Variants in DCTN4 observed in about 807,000 individuals in gnomAD.
DCTN4 encodes the protein dynactin 4 (p62).
DCTN4 carries 23 observed loss-of-function variants against 62.7 expected under a neutral mutation model. The ratio of observed to expected loss-of-function variants is 0.37; its 90% confidence interval spans 0.26 to 0.52. DCTN4 has a LOEUF of 0.52. Ranked by LOEUF, DCTN4 falls within the 20% of genes least tolerant of loss-of-function variation. The pLI, the probability that DCTN4 is intolerant of heterozygous loss-of-function variation, is 0.92. For missense variants in DCTN4, 514 were observed against 580.4 expected (o/e 0.89, Z 1.18); for synonymous variants, 199 against 202.1 (o/e 0.98, Z 0.13).
chr5:150,753,358 A>C (rs1355029784), intron 3 of DCTN4, 121 bp downstream of exon 3: 28 of 790,852 alleles, frequency 3.5e-5, no homozygotes, highest in Non-Finnish European at 5.6e-5. Flanking sequence ...CAGAAGAGTT[A>C]ATGACAAAAT....
At chr5:150,726,703 T>G (rs1305820178) in intron 8 of DCTN4, among the ~76,000 whole-genome samples, 1 of 152,174 alleles carries the variant, frequency 6.6e-6, no homozygotes, top group Non-Finnish European at 1.5e-5. Flanking sequence ...GCAAAGGTAT[T>G]ACCTTCCTTG....
intron 3 of DCTN4, among the ~76,000 whole-genome samples, chr5:150,751,361 T>C (rs1293394521): frequency 6.6e-6 from 1 of 152,152 alleles, no homozygotes; most frequent in Non-Finnish European, 1.5e-5. Flanking sequence ...CATAAGTTTA[T>C]AGTTCTGAAA....
chr5:150,757,966 T>A (rs563394644), intron 1 of DCTN4: 6 of 707,956 alleles, frequency 8.5e-6, no homozygotes, highest in Middle Eastern at 7.1e-4. Flanking sequence ...AAAAATTTTT[T>A]AAAAAAAGTA....
At chr5:150,722,216 A>G (rs778334797) in intron 9 of DCTN4, among the ~76,000 whole-genome samples, 1 of 152,224 alleles carries the variant, frequency 6.6e-6, no homozygotes, top group Non-Finnish European at 1.5e-5. Flanking sequence ...CTGTCTTGCT[A>G]AAGAAGGGCT....
chr5:150,742,510 A>C (rs1760805138), intron 3 of DCTN4, among the ~76,000 whole-genome samples: 1 of 152,210 alleles, frequency 6.6e-6, no homozygotes, highest in Non-Finnish European at 1.5e-5. Flanking sequence ...CACGGAGAGT[A>C]AGTGGTAAAG....
At chr5:150,743,396 G>A (rs1431074289) in intron 3 of DCTN4, among the ~76,000 whole-genome samples, 1 of 152,242 alleles carries the variant, frequency 6.6e-6, no homozygotes, top group African/African-American at 2.4e-5. Flanking sequence ...AAAGACAGCA[G>A]TAACCTCTGC....
intron 2 of DCTN4, 87 bp downstream of exon 2, chr5:150,756,330 T>G (rs1458098548): frequency 2.1e-6 from 2 of 933,594 alleles, no homozygotes; most frequent in Non-Finnish European, 1.6e-6. Flanking sequence ...TGAGCCACCA[T>G]GCCTGGCCCA....
intron 1 of DCTN4, chr5:150,758,109 T>C: frequency 1.0e-6 from 1 of 985,600 alleles, no homozygotes; most frequent in South Asian, 4.7e-5. Flanking sequence ...TTTTATGTCT[T>C]ACTCGCCTTT....
At chr5:150,723,926 A>C (rs1189119592) in intron 8 of DCTN4, among the ~76,000 whole-genome samples, 1 of 152,196 alleles carries the variant, frequency 6.6e-6, no homozygotes, top group African/African-American at 2.4e-5. Context: ...CCACTGTAAC[A>C]ATTTCTATAA....
At chr5:150,714,266 G>A (rs1294072096) in intron 12 of DCTN4, among the ~76,000 whole-genome samples, 3 of 152,178 alleles carry the variant, frequency 2.0e-5, no homozygotes, top group African/African-American at 7.2e-5. Flanking sequence ...GTCAGGTTCT[G>A]TCAGCAGCGG....
chr5:150,717,629 G>A (rs552272968), intron 11 of DCTN4, among the ~76,000 whole-genome samples: 3 of 152,236 alleles, frequency 2.0e-5, no homozygotes, highest in African/African-American at 4.8e-5. Flanking sequence ...GATTTTAAAC[G>A]TATCATTTCT....
rs574100804 is a variant in DCTN4, at chr5:150,730,864, A to G, written c.725-124T>C. 7.7e-6 allele frequency: 7 copies of G among 907,300 alleles called. No homozygotes were observed. The South Asian group carries it at 1.1e-4, about 15-fold the overall frequency. 56.2% of individuals were successfully genotyped at this position (907,300 alleles called of 1,614,324 possible). The stretch of plus-strand genomic sequence containing the variant: ...CAGTGTTGTTCATAAAAATGAAAAT[A>G]TAGAAAGTTGACATTTTAGATTTCA... On this transcript the variant is annotated intron_variant, in intron 7 of 12. Transcript: ENST00000447998.
intron 12 of DCTN4, among the ~76,000 whole-genome samples, chr5:150,712,341 A>G (rs150986065): frequency 0.01 from 1,568 of 152,146 alleles, 33 homozygotes; most frequent in East Asian, 0.083. Context: ...CATTGGTCAG[A>G]CTGGTCTCGA....
At chr5:150,721,927 G>A (rs940742044) in intron 9 of DCTN4, among the ~76,000 whole-genome samples, 3 of 152,014 alleles carry the variant, frequency 2.0e-5, no homozygotes, top group Non-Finnish European at 4.4e-5. Flanking sequence ...TGGGCTCAAG[G>A]GGTCCTCTCA....
At chr5:150,740,905 C>T (rs1269049439) in intron 4 of DCTN4, among the ~76,000 whole-genome samples, 1 of 152,086 alleles carries the variant, frequency 6.6e-6, no homozygotes, top group Non-Finnish European at 1.5e-5. Flanking sequence ...AGGGGGAAAG[C>T]TGGGAAGGGG....
intron 11 of DCTN4, among the ~76,000 whole-genome samples, chr5:150,718,029 C>T (rs1397801511): frequency 6.6e-6 from 1 of 152,154 alleles, no homozygotes; most frequent in African/African-American, 2.4e-5. Context: ...TGGGTTGAAA[C>T]AGAGGTGGTG....
intron 8 of DCTN4, 101 bp downstream of exon 8, chr5:150,730,530 T>C: frequency 5.9e-6 from 6 of 1,011,742 alleles, no homozygotes; most frequent in African/African-American, 1.6e-5. Context: ...ATTTTCTGTA[T>C]TTAATACATT....
rs539826488 is a variant in DCTN4, at chr5:150,747,246, C to T, written c.386-5089G>A. 7.9e-5 allele frequency among the ~76,000 whole-genome samples: 12 copies of T among 152,282 alleles called. No individual in the cohort carries two copies. In the East Asian group the frequency reaches 2.3e-3, roughly 29 times the overall value. ...CCAACTTACAAGGGACGTGAAGGACCTCTTCGAGGAGAACTACAAACCACT... is the reference window on the plus strand; with the variant it reads ...CCAACTTACAAGGGACGTGAAGGACTTCTTCGAGGAGAACTACAAACCACT... On this transcript the variant is annotated intron_variant, in intron 3 of 12. Transcript: ENST00000447998.
chr5:150,711,329 A>T lies in DCTN4; in HGVS notation c.1203T>A (p.Gly401=). ...GCTGTGGTGTAACTTTGATGAAAAT[A>T]CCCACTTTGTTGGCCTTTCTGAAGG... ...IIAFRKANKV[G]IFIKVTPQRE... is the part of the protein sequence containing the mutation. The change falls in exon 13 of 13, where the codon GGT becomes GGA. Residue 401 remains glycine, a synonymous_variant. Coordinates refer to ENST00000447998, the MANE Select transcript of DCTN4 (RefSeq NM_016221.4). The T allele has an allele frequency of 1.2e-6, 2 of 1,613,274 alleles. No individual in the cohort carries two copies. Among genetic ancestry groups the T allele is most frequent in the South Asian group, 2.2e-5 (2 of 91,032 alleles).
Sources: gnomAD v4.1 joint callset for allele counts (sites outside exome capture counted in the v4.1 genomes callset) on GRCh38, gnomAD v4.1.1 for gene constraint, MANE v1.5 for transcripts, NCBI Gene and HGNC (gene_info 2026-07-23, HGNC 2026-07-21) for gene names.